ACOT7: variants seen among roughly 807,000 people sequenced by gnomAD.
ACOT7 encodes cytosolic acyl coenzyme A thioester hydrolase.
A neutral mutation model predicts 40.2 loss-of-function variants in ACOT7; 12 were observed. That is an observed-to-expected ratio of 0.30 (90% CI 0.19 to 0.48). The LOEUF (loss-of-function observed/expected upper bound fraction) is 0.48, where lower values mean the gene tolerates loss of function less well. Among genes scored for constraint, ACOT7 ranks in the 20% least tolerant of loss-of-function variants. ACOT7 has a pLI of 0.99. For synonymous variants in ACOT7, 228 were observed against 219.5 expected (o/e 1.04, Z -0.34); for missense variants, 395 against 530.8 (o/e 0.74, Z 2.51).
At chr1:6,323,737 A>AAATATATATATAT (rs1553158667) in intron 5 of ACOT7, among the ~76,000 whole-genome samples, 1 of 38,418 alleles carries the variant, frequency 2.6e-5, no homozygotes, top group East Asian at 6.7e-4. Context: ...AAAAAAAAAA[A>AAATATATATATAT]ATATATATAT....
chr1:6,268,841 A>G (rs1638932828), intron 8 of ACOT7, among the ~76,000 whole-genome samples: 1 of 152,214 alleles, frequency 6.6e-6, no homozygotes. Context: ...GAATAGGAGT[A>G]ACTTCCTACA....
chr1:6,367,156 A>G (rs1642029299), intron 1 of ACOT7, among the ~76,000 whole-genome samples: 1 of 150,740 alleles, frequency 6.6e-6, no homozygotes, highest in Non-Finnish European at 1.5e-5. Context: ...CTGAGATCGC[A>G]CCACTGCACT....
intron 6 of ACOT7, among the ~76,000 whole-genome samples, chr1:6,308,477 G>A (rs926356047): frequency 1.3e-5 from 2 of 149,420 alleles, no homozygotes; most frequent in Admixed American, 1.3e-4. Context: ...ACTGCAACAG[G>A]CAGAGGGAAC....
At chr1:6,307,229 C>A (rs148637797) in intron 6 of ACOT7, among the ~76,000 whole-genome samples, 1 of 152,226 alleles carries the variant, frequency 6.6e-6, no homozygotes, top group Non-Finnish European at 1.5e-5. Context: ...AGTTAGAGAG[C>A]GGTCATTACG....
intron 4 of ACOT7, among the ~76,000 whole-genome samples, chr1:6,332,964 T>C (rs1481426288): frequency 1.3e-5 from 2 of 152,084 alleles, no homozygotes; most frequent in Non-Finnish European, 2.9e-5. Flanking sequence ...CAAAAGCTCA[T>C]ATGACAACTG....
intron 1 of ACOT7, among the ~76,000 whole-genome samples, chr1:6,354,648 C>A (rs1641688801): frequency 6.6e-6 from 1 of 150,850 alleles, no homozygotes; most frequent in Admixed American, 6.6e-5. Context: ...TCTGCACTGG[C>A]CTCTCACCCC....
At chr1:6,380,229 T>C (rs1642308993) in intron 1 of ACOT7, among the ~76,000 whole-genome samples, 1 of 151,584 alleles carries the variant, frequency 6.6e-6, no homozygotes, top group South Asian at 2.1e-4. Flanking sequence ...AAGACAGATA[T>C]AAGAATCAAT....
At chr1:6,270,062 C>T (rs1196137619) in intron 8 of ACOT7, among the ~76,000 whole-genome samples, 2 of 152,196 alleles carry the variant, frequency 1.3e-5, no homozygotes, top group African/African-American at 2.4e-5. Context: ...TGGTAGGTTA[C>T]GGGCTCACTG....
intron 8 of ACOT7, among the ~76,000 whole-genome samples, chr1:6,276,172 A>G (rs1441740010): frequency 1.3e-5 from 2 of 152,100 alleles, no homozygotes; most frequent in African/African-American, 4.8e-5. Flanking sequence ...AGAGGCTACA[A>G]TGCCCACGCC....
chr1:6,329,402 G>A (rs914687788), intron 4 of ACOT7, among the ~76,000 whole-genome samples: 2 of 152,138 alleles, frequency 1.3e-5, no homozygotes, highest in African/African-American at 4.8e-5. Flanking sequence ...GCCAAGTAAC[G>A]ACTGTGAGAA....
chr1:6,327,841 T>G (rs148707820), intron 4 of ACOT7, among the ~76,000 whole-genome samples: 4,093 of 152,240 alleles, frequency 0.027, 195 homozygotes, highest in African/African-American at 0.093. Context: ...TGGCGTGATC[T>G]CAGCTCACTG....
intron 1 of ACOT7, among the ~76,000 whole-genome samples, chr1:6,354,278 A>G (rs1027463844): frequency 6.6e-6 from 1 of 152,196 alleles, no homozygotes; most frequent in African/African-American, 2.4e-5. Context: ...AATCTCTGGG[A>G]AAGCTTCCCA....
intron 1 of ACOT7, among the ~76,000 whole-genome samples, chr1:6,368,194 A>T (rs1015535346): frequency 1.3e-5 from 2 of 151,970 alleles, no homozygotes; most frequent in Non-Finnish European, 2.9e-5. Flanking sequence ...TTCACTGGGG[A>T]CCAGACCCCT....
chr1:6,365,415 T>G (rs1244251019), intron 1 of ACOT7, among the ~76,000 whole-genome samples: 1 of 152,128 alleles, frequency 6.6e-6, no homozygotes, highest in African/African-American at 2.4e-5. Flanking sequence ...AGTTACACTG[T>G]AGTCTATTAA....
In ACOT7 at chr1:6,274,798, C is replaced by T. The variant is rs1226458554; in HGVS notation, c.1014+6304G>A. ...GATCATCTGGGGCTGAAGCAAAGGC[C>T]CTGGGCTGAGCGCGGTGTGGGTGGG... On this transcript the variant is annotated intron_variant, in intron 8 of 8. Coordinates refer to ENST00000361521, the MANE Select transcript of ACOT7 (RefSeq NM_007274.4). This position sits in a 1 kb window ranked among gnomAD's most constrained non-coding sequence, Gnocchi z 5.9. Among the ~76,000 whole-genome samples the T allele has an allele frequency of 6.6e-6, 1 of 152,162 alleles. No individual in the cohort carries two copies. Among genetic ancestry groups the T allele is most frequent in the African/African-American group, 2.4e-5 (1 of 41,420 alleles).
At chr1:6,336,957 A>G (rs992601417) in intron 3 of ACOT7, among the ~76,000 whole-genome samples, 4 of 152,156 alleles carry the variant, frequency 2.6e-5, no homozygotes, top group African/African-American at 9.7e-5. Context: ...AGATATGGAG[A>G]AAAGCTACAG....
intron 4 of ACOT7, 82 bp from the exon 5 acceptor site, chr1:6,327,495 ATAG>A (rs1393140791): frequency 8.0e-7 from 1 of 1,254,144 alleles, no homozygotes. Context: ...CCAGGCCCTT[ATAG>A]CCTTGTGTAA....
intron 3 of ACOT7, among the ~76,000 whole-genome samples, chr1:6,335,590 G>A (rs1641078802): frequency 6.6e-6 from 1 of 152,200 alleles, no homozygotes; most frequent in Non-Finnish European, 1.5e-5. Flanking sequence ...GGAGACAGGA[G>A]CAGCCCCAGG....
At chr1:6,344,570 C>A (rs1021426064) in intron 2 of ACOT7, among the ~76,000 whole-genome samples, 1 of 151,818 alleles carries the variant, frequency 6.6e-6, no homozygotes, top group Admixed American at 6.6e-5. Flanking sequence ...TCGAGGCCAG[C>A]GTGGCCAACA....
Sources: allele counts gnomAD v4.1 joint callset (sites outside exome capture counted in the v4.1 genomes callset), GRCh38; gene constraint gnomAD v4.1.1; non-coding constraint Gnocchi (gnomAD v3.1); transcripts MANE v1.5; gene names NCBI Gene and HGNC (gene_info 2026-07-23, HGNC 2026-07-21).